The following ANK3 variants were observed in gnomAD, a reference collection of about 807,000 sequenced individuals.
ANK3 encodes the protein ankyrin-3.
In ANK3, 57 loss-of-function variants were observed where a neutral mutation model predicts 370.9. The observed-to-expected ratio is 0.15, with a 90% CI of 0.12 to 0.19. The LOEUF is 0.19. Ranked by LOEUF, ANK3 falls within the 10% of genes least tolerant of loss-of-function variation. The pLI is 1.00. For synonymous variants in ANK3, 1,929 were observed against 1,946.3 expected (o/e 0.99, Z 0.23); for missense variants, 4,439 against 5,302.1 (o/e 0.84, Z 5.06).
intron 1 of ANK3, among the ~76,000 whole-genome samples, chr10:60,697,291 G>A (rs1208714794): frequency 1.3e-5 from 2 of 151,860 alleles, no homozygotes; most frequent in East Asian, 3.9e-4. Flanking sequence ...ATGCTCATGG[G>A]TAGGAAAAAT....
intron 2 of ANK3, among the ~76,000 whole-genome samples, chr10:60,490,597 C>G (rs143688191): frequency 1.6e-4 from 25 of 152,308 alleles, no homozygotes; most frequent in Non-Finnish European, 1.9e-4. Flanking sequence ...CCTGTGCACT[C>G]ACTCCCATCC....
At chr10:60,048,782 C>G (rs1279585666) in intron 42 of ANK3, among the ~76,000 whole-genome samples, 2 of 152,156 alleles carry the variant, frequency 1.3e-5, no homozygotes, top group African/African-American at 4.8e-5. Flanking sequence ...CACTAGAGGG[C>G]TAGGGATTAG....
chr10:60,267,025 CA>C (rs1249910289), intron 5 of ANK3, among the ~76,000 whole-genome samples: 2 of 152,196 alleles, frequency 1.3e-5, no homozygotes, highest in Admixed American at 1.3e-4. Context: ...CACAGTAATA[CA>C]AAAACGTTTT....
Position 60,064,228 on chromosome 10 carries a change from G to T in ANK3, c.12380C>A (p.Pro4127Gln). The T allele has an allele frequency of 6.3e-7, 1 of 1,580,370 alleles. No homozygotes were observed. Among genetic ancestry groups the T allele is most frequent in the Non-Finnish European group, 8.5e-7 (1 of 1,169,956 alleles). The change falls in exon 39 of 44, where the codon CCA becomes CAA. Residue 4127 changes from proline to glutamine, a missense_variant. Transcript: ENST00000280772. ...GAAGCTCTGAGAAATTAAAGAATTT[G>T]GATTTTCCACACGTATTTGATTGAT... ...DEINQIRVEN[P>Q]NSLISQSFML...
At position 60,437,465 on chromosome 10, in the gene ANK3, C is replaced by G. The variant is rs2064187051; in HGVS notation, c.97-157826G>C. Reference sequence around the variant, plus strand: ...CCTGCAGTGCTGCAGGGGCCAGGGACCCAAAAGCAGAGTTACAGAGACAGG... The same window carrying G: ...CCTGCAGTGCTGCAGGGGCCAGGGAGCCAAAAGCAGAGTTACAGAGACAGG... On this transcript the variant is annotated intron_variant, in intron 2 of 43. Coordinates refer to the ANK3 transcript ENST00000373827. Among the ~76,000 whole-genome samples, 3 of 152,100 alleles carry G rather than the reference C, an allele frequency of 2.0e-5. No homozygotes were observed. In the South Asian group the frequency reaches 6.2e-4, roughly 32 times the overall value.
At position 60,070,100 on chromosome 10, in the gene ANK3, G is replaced by A; in HGVS notation, c.10781C>T (p.Pro3594Leu). 9 of 1,614,090 alleles carry A rather than the reference G, an allele frequency of 5.6e-6. No individual in the cohort carries two copies. The highest frequency in any genetic ancestry group is 7.6e-6 in the Non-Finnish European group (9 of 1,179,990). ...TGGGAAGGGGTTAGGCTCACTAGTTGGGGTACTTTCATCAGTTGGCGTTCT... is the reference window on the plus strand; with the variant it reads ...TGGGAAGGGGTTAGGCTCACTAGTTAGGGTACTTTCATCAGTTGGCGTTCT... Reference protein sequence around the residue: ...PARTPTDESTPTSEPNPFPFH... With the variant: ...PARTPTDESTLTSEPNPFPFH... The change falls in exon 37 of 44, where the codon CCA (proline) becomes CTA (leucine). Residue 3594 changes from proline (P) to leucine (L), a missense_variant. Around this residue, in one of 13 missense-constraint regions of ANK3, gnomAD observed 1,601 missense variants for 1,731.7 expected, o/e 0.92. Coordinates refer to ENST00000280772, the MANE Select transcript of ANK3 (RefSeq NM_020987.5). This position sits in a 1 kb window ranked among gnomAD's most constrained non-coding sequence, Gnocchi z 5.7.
intron 1 of ANK3, among the ~76,000 whole-genome samples, chr10:60,357,296 T>A (rs1048641080): frequency 6.6e-6 from 1 of 152,198 alleles, no homozygotes; most frequent in Non-Finnish European, 1.5e-5. Flanking sequence ...AAGTAACTAT[T>A]GTGGGTATTT....
At position 60,448,473 on chromosome 10, in the gene ANK3, C is replaced by T. The variant is rs1023619880; in HGVS notation, c.96+166713G>A. 2.0e-5 allele frequency among the ~76,000 whole-genome samples: 3 copies of T among 152,314 alleles called. No individual in the cohort carries two copies. In the South Asian group the frequency reaches 6.2e-4, roughly 32 times the overall value. The stretch of plus-strand genomic sequence containing the variant: ...GAAAAGCAGGGAGGCTGGTTAGATG[C>T]ATTTTACTGACATTTATTGGTGCTC... On this transcript the variant is annotated intron_variant, in intron 2 of 43. Transcript: ENST00000373827.
intron 1 of ANK3, among the ~76,000 whole-genome samples, chr10:60,691,227 C>A (rs1159623807): frequency 1.3e-5 from 2 of 152,172 alleles, no homozygotes; most frequent in Non-Finnish European, 2.9e-5. Context: ...GTGACAGGAT[C>A]ATTCATACCC....
intron 1 of ANK3, among the ~76,000 whole-genome samples, chr10:60,357,583 C>CCTGACTTTGCTGA (rs2057960281): frequency 1.3e-5 from 2 of 152,144 alleles, no homozygotes; most frequent in South Asian, 4.1e-4. Context: ...GAGAAAACCA[C>CCTGACTTTGCTGA]CTGACTTTGC....
intron 2 of ANK3, among the ~76,000 whole-genome samples, chr10:60,451,441 A>G (rs952325866): frequency 6.6e-6 from 1 of 152,180 alleles, no homozygotes; most frequent in Non-Finnish European, 1.5e-5. Context: ...CTGGAACTCA[A>G]GTCTTCTGGC....
At chr10:60,361,213 GTACCTT>G (rs1379315594) in intron 1 of ANK3, among the ~76,000 whole-genome samples, 1 of 152,114 alleles carries the variant, frequency 6.6e-6, no homozygotes, top group Non-Finnish European at 1.5e-5. Flanking sequence ...GAATTAATGT[GTACCTT>G]TACCTTTCGA....
intron 1 of ANK3, among the ~76,000 whole-genome samples, chr10:60,377,430 A>G (rs941334734): frequency 5.3e-5 from 8 of 152,252 alleles, no homozygotes; most frequent in Non-Finnish European, 1.2e-4. Context: ...AGCTTTATGC[A>G]CCTGATTCAA....
intron 2 of ANK3, among the ~76,000 whole-genome samples, chr10:60,483,001 C>G (rs1435161245): frequency 6.6e-6 from 1 of 152,230 alleles, no homozygotes; most frequent in Non-Finnish European, 1.5e-5. Flanking sequence ...ATGAGCGTCA[C>G]ATCGTTCTCG....
chr10:60,244,101 T>G (rs2097517890), intron 7 of ANK3, among the ~76,000 whole-genome samples: 1 of 152,234 alleles, frequency 6.6e-6, no homozygotes. Flanking sequence ...ATTTCTTCTT[T>G]CTCAGTGTTT....
chr10:60,092,938 G>A (rs1488348794), intron 28 of ANK3, among the ~76,000 whole-genome samples: 1 of 152,200 alleles, frequency 6.6e-6, no homozygotes, highest in South Asian at 2.1e-4. Flanking sequence ...GTTTCACCAT[G>A]TTGGCCAGGC....
intron 1 of ANK3, among the ~76,000 whole-genome samples, chr10:60,700,812 T>TA (rs1417350683): frequency 6.6e-6 from 1 of 152,140 alleles, no homozygotes; most frequent in Non-Finnish European, 1.5e-5. Flanking sequence ...GATTTAAATG[T>TA]AAATATGGAA....
At chr10:60,121,501 G>A (rs1277403282) in intron 25 of ANK3, among the ~76,000 whole-genome samples, 1 of 151,942 alleles carries the variant, frequency 6.6e-6, no homozygotes, top group Non-Finnish European at 1.5e-5. Flanking sequence ...AGACCAGCCT[G>A]GGCAACATGG....
At chr10:60,485,609 T>C (rs2075328105) in intron 2 of ANK3, among the ~76,000 whole-genome samples, 1 of 152,144 alleles carries the variant, frequency 6.6e-6, no homozygotes, top group Non-Finnish European at 1.5e-5. Context: ...GCGGGGTAGG[T>C]GTCCCCACCT....
Sources: gnomAD v4.1 joint callset for allele counts (sites outside exome capture counted in the v4.1 genomes callset) on GRCh38, gnomAD v4.1.1 for gene constraint, gnomAD v4.1.1 regional missense constraint, Gnocchi (gnomAD v3.1) non-coding constraint, MANE v1.5 for transcripts, NCBI Gene and HGNC (gene_info 2026-07-23, HGNC 2026-07-21) for gene names.